Variants in SLC8A1 observed in about 807,000 individuals in gnomAD.
SLC8A1 encodes the protein sodium/calcium exchanger 1.
SLC8A1 carries 18 observed loss-of-function variants against 68.3 expected under a neutral mutation model. That is an observed-to-expected ratio of 0.26 (90% CI 0.18 to 0.39). The LOEUF is 0.39. Ranked by LOEUF, SLC8A1 falls within the 10% of genes least tolerant of loss-of-function variation. The pLI is 1.00. For missense variants in SLC8A1, 985 were observed against 1,156.7 expected (o/e 0.85, Z 2.15); for synonymous variants, 475 against 415.5 (o/e 1.14, Z -1.74).
At chr2:40,403,023 A>T (rs1411996172) in intron 2 of SLC8A1, among the ~76,000 whole-genome samples, 2 of 152,228 alleles carry the variant, frequency 1.3e-5, no homozygotes, top group Non-Finnish European at 2.9e-5. Flanking sequence ...CCATAATGAC[A>T]CTTACATACA....
At chr2:40,401,355 T>A (rs1688662213) in intron 2 of SLC8A1, among the ~76,000 whole-genome samples, 1 of 152,172 alleles carries the variant, frequency 6.6e-6, no homozygotes, top group Non-Finnish European at 1.5e-5. Flanking sequence ...TTTACCCAAC[T>A]TGGACTGTTA....
At chr2:40,185,371 T>C (rs2050512143) in intron 2 of SLC8A1, among the ~76,000 whole-genome samples, 2 of 152,186 alleles carry the variant, frequency 1.3e-5, no homozygotes, top group South Asian at 4.1e-4. Flanking sequence ...GGATAAATAA[T>C]ATGTGGTGTA....
At chr2:40,504,372 A>G (rs1559777494) in intron 1 of SLC8A1, among the ~76,000 whole-genome samples, 1 of 152,178 alleles carries the variant, frequency 6.6e-6, no homozygotes, top group East Asian at 1.9e-4. Context: ...AAAACCTTGA[A>G]GAACATCTCC....
chr2:40,131,850 G>A (rs1009113638), intron 7 of SLC8A1, among the ~76,000 whole-genome samples: 7 of 119,172 alleles, frequency 5.9e-5, no homozygotes, highest in African/African-American at 2.1e-4. Context: ...GGATTATCTT[G>A]GTATTCTATT....
chr2:40,114,657 C>G (rs1256934835), exon 8 of SLC8A1: 1 of 152,672 alleles, frequency 6.5e-6, no homozygotes, highest in African/African-American at 2.4e-5. Context: ...TTCTTGGAGG[C>G]AGCTTCACCT....
chr2:40,136,309 T>C (rs545821094), intron 7 of SLC8A1, among the ~76,000 whole-genome samples: 1 of 152,206 alleles, frequency 6.6e-6, no homozygotes, highest in Admixed American at 6.5e-5. Context: ...CAGTAGAGTA[T>C]GAGCATTTGC....
chr2:40,225,391 C>T (rs2058845535), intron 2 of SLC8A1, among the ~76,000 whole-genome samples: 1 of 152,112 alleles, frequency 6.6e-6, no homozygotes, highest in African/African-American at 2.4e-5. Context: ...AGTGGGTACC[C>T]ATCTATGTGC....
At chr2:40,114,701 G>GT (rs1472078648) in exon 8 of SLC8A1, 2 of 152,386 alleles carry the variant, frequency 1.3e-5, no homozygotes, top group Non-Finnish European at 2.9e-5. Context: ...ATGAACTTTG[G>GT]TAATACGATG....
At chr2:40,353,059 T>C (rs1243307372) in intron 2 of SLC8A1, among the ~76,000 whole-genome samples, 1 of 152,198 alleles carries the variant, frequency 6.6e-6, no homozygotes, top group African/African-American at 2.4e-5. Flanking sequence ...CAGCCTTGCT[T>C]TTGTGTTCAA....
chr2:40,357,101 G>C (rs888397227), intron 2 of SLC8A1, among the ~76,000 whole-genome samples: 2 of 152,192 alleles, frequency 1.3e-5, no homozygotes, highest in Admixed American at 6.5e-5. Context: ...GCACATGAAA[G>C]AGAGTTCCAG....
intron 2 of SLC8A1, among the ~76,000 whole-genome samples, chr2:40,411,827 CTCCT>C (rs1220538314): frequency 1.3e-5 from 2 of 152,012 alleles, no homozygotes; most frequent in Non-Finnish European, 2.9e-5. Flanking sequence ...TTACAATTTT[CTCCT>C]TGTCTTTTAA....
At chr2:40,452,843 A>G (rs541964285), upstream of SLC8A1, among the ~76,000 whole-genome samples, 11 of 151,894 alleles carry the variant, frequency 7.2e-5, no homozygotes, top group South Asian at 2.3e-3. Context: ...TTCACCTGGG[A>G]ATAAAGACCC....
At chr2:40,307,146 T>TATAC (rs1553490522) in intron 2 of SLC8A1, among the ~76,000 whole-genome samples, 124 of 148,286 alleles carry the variant, frequency 8.4e-4, no homozygotes, top group African/African-American at 2.9e-3. Flanking sequence ...AAATGTGATA[T>TATAC]ACACACACAC....
chr2:40,235,521 T>C (rs1205396617), intron 2 of SLC8A1, among the ~76,000 whole-genome samples: 1 of 152,154 alleles, frequency 6.6e-6, no homozygotes, highest in Non-Finnish European at 1.5e-5. Flanking sequence ...TAGTGGTCTA[T>C]CAATTTTGTT....
intron 2 of SLC8A1, among the ~76,000 whole-genome samples, chr2:40,198,526 T>C (rs1004604563): frequency 3.3e-5 from 5 of 152,066 alleles, no homozygotes; most frequent in African/African-American, 1.2e-4. Context: ...AAAATATTTA[T>C]TGATTTCTTT....
At chr2:40,359,917 C>G (rs537063970) in intron 2 of SLC8A1, among the ~76,000 whole-genome samples, 1 of 134,792 alleles carries the variant, frequency 7.4e-6, no homozygotes, top group South Asian at 2.5e-4. Flanking sequence ...ATATCTTTTA[C>G]CCAGAGTTTA....
intron 2 of SLC8A1, among the ~76,000 whole-genome samples, chr2:40,246,501 T>C (rs1574642708): frequency 6.6e-6 from 1 of 152,236 alleles, no homozygotes; most frequent in East Asian, 1.9e-4. Flanking sequence ...CAGCAGAACC[T>C]TGGATAACAG....
At chr2:40,342,807 A>G (rs913979818) in intron 2 of SLC8A1, among the ~76,000 whole-genome samples, 13 of 152,188 alleles carry the variant, frequency 8.5e-5, no homozygotes, top group Non-Finnish European at 1.5e-4. Flanking sequence ...CTTGGTTGTT[A>G]CTAAACAGAT....
At chr2:40,280,250 C>CCA (rs1575031781) in intron 2 of SLC8A1, among the ~76,000 whole-genome samples, 1 of 8,396 alleles carries the variant, frequency 1.2e-4, no homozygotes, top group Non-Finnish European at 2.0e-4. Context: ...GAAATAAACA[C>CCA]TAAAAAAAAA....
Sources: gnomAD v4.1 joint callset for allele counts (sites outside exome capture counted in the v4.1 genomes callset) on GRCh38, gnomAD v4.1.1 for gene constraint, MANE v1.5 for transcripts, NCBI Gene and HGNC (gene_info 2026-07-23, HGNC 2026-07-21) for gene names.